Variants in SOX5 observed in about 807,000 individuals in gnomAD.
The protein encoded by SOX5 is transcription factor SOX-5.
A neutral mutation model predicts 92.0 loss-of-function variants in SOX5; 9 were observed. The ratio of observed to expected loss-of-function variants is 0.10; its 90% CI spans 0.06 to 0.17. SOX5 has a LOEUF of 0.17. SOX5 is among the 10% of genes least tolerant of loss of function. The probability of loss-of-function intolerance (pLI) is 1.00; values close to 1 mark genes in which losing one functional copy is unlikely to be tolerated. For synonymous variants in SOX5, 344 were observed against 336.3 expected, an observed-to-expected ratio of 1.02 and a Z score of -0.25; for missense variants, 642 against 944.5, an observed-to-expected ratio of 0.68 and a Z score of 4.20.
At chr12:24,374,111 G>A (rs1191338816) in intron 1 of SOX5, among the ~76,000 whole-genome samples, 1 of 152,236 alleles carries the variant, frequency 6.6e-6, no homozygotes, top group East Asian at 1.9e-4. Context: ...ATTGGGCAAA[G>A]AAAGAGGTAG....
chr12:24,351,096 A>G (rs767293366), intron 2 of SOX5, among the ~76,000 whole-genome samples: 1 of 152,114 alleles, frequency 6.6e-6, no homozygotes. Flanking sequence ...AAAGAACTCA[A>G]TAAGTGGTAG....
At chr12:23,856,990 T>A (rs1394521644) in intron 2 of SOX5, among the ~76,000 whole-genome samples, 1 of 152,144 alleles carries the variant, frequency 6.6e-6, no homozygotes, top group Non-Finnish European at 1.5e-5. Context: ...ATTGAGTTAA[T>A]TATTAATTTA....
chr12:23,963,704 T>G (rs1442148726), intron 4 of SOX5, among the ~76,000 whole-genome samples: 4 of 150,652 alleles, frequency 2.7e-5, no homozygotes, highest in Non-Finnish European at 5.9e-5. Flanking sequence ...ATACAATGGA[T>G]AGTTTTTGGA....
At position 24,053,393 on chromosome 12, in the gene SOX5, G is replaced by A. The variant is rs142218227; in HGVS notation, c.-1-157369C>T. On this transcript the variant is annotated intron_variant, in intron 4 of 4. Transcript: ENST00000446891. Reference sequence around the variant, plus strand: ...GATCTGCCCGCCTCGGGCTCCCAAAGTGCTGTGATTATAGGCATGAGCTAC... The same window carrying A: ...GATCTGCCCGCCTCGGGCTCCCAAAATGCTGTGATTATAGGCATGAGCTAC... Among the ~76,000 whole-genome samples the A allele has an allele frequency of 2.7e-3, 415 of 152,166 alleles. 1 individual carries two copies. Among genetic ancestry groups the A allele is most frequent in the Middle Eastern group, 0.01 (3 of 294 alleles).
At chr12:23,964,898 T>C (rs1054924872) in intron 4 of SOX5, among the ~76,000 whole-genome samples, 2 of 152,206 alleles carry the variant, frequency 1.3e-5, no homozygotes, top group African/African-American at 4.8e-5. Flanking sequence ...TATCAAAAAG[T>C]TGATGGGCTA....
intron 2 of SOX5, among the ~76,000 whole-genome samples, chr12:23,853,542 TG>T (rs1351894970): frequency 2.1e-5 from 3 of 142,978 alleles, no homozygotes; most frequent in East Asian, 4.3e-4. Flanking sequence ...GTGTCTAACG[TG>T]TTTTTTTTTT....
intron 6 of SOX5, among the ~76,000 whole-genome samples, chr12:23,707,205 C>T (rs2091494941): frequency 6.6e-6 from 1 of 152,124 alleles, no homozygotes. Context: ...TAATGAAAAG[C>T]CTATTCATTG....
At chr12:24,375,625 A>C (rs570696983) in intron 1 of SOX5, among the ~76,000 whole-genome samples, 4 of 151,658 alleles carry the variant, frequency 2.6e-5, no homozygotes, top group African/African-American at 9.7e-5. Context: ...AACCTCAGCT[A>C]CTTGGCAGGC....
At chr12:23,673,656 A>G (rs977511149) in intron 6 of SOX5, among the ~76,000 whole-genome samples, 10 of 152,048 alleles carry the variant, frequency 6.6e-5, no homozygotes, top group African/African-American at 2.2e-4. Context: ...ATTATCAGTT[A>G]TTTTTCCCCA....
At chr12:24,527,148 A>G (rs1403921674) in intron 1 of SOX5, among the ~76,000 whole-genome samples, 1 of 152,208 alleles carries the variant, frequency 6.6e-6, no homozygotes, top group African/African-American at 2.4e-5. Context: ...CTCCTTGAGA[A>G]CAAGGGCTGT....
intron 4 of SOX5, among the ~76,000 whole-genome samples, chr12:24,191,948 G>A (rs1956569514): frequency 6.6e-6 from 1 of 152,158 alleles, no homozygotes. Context: ...TTCCAGGAAA[G>A]CTATGAAGGG....
intron 4 of SOX5, among the ~76,000 whole-genome samples, chr12:24,109,506 G>A (rs1947076051): frequency 6.6e-6 from 1 of 152,076 alleles, no homozygotes; most frequent in Admixed American, 6.6e-5. Flanking sequence ...ATTAAAAATA[G>A]TAAAGACAGT....
At chr12:23,874,616 T>C (rs1309725812) in intron 2 of SOX5, among the ~76,000 whole-genome samples, 1 of 152,046 alleles carries the variant, frequency 6.6e-6, no homozygotes, top group Non-Finnish European at 1.5e-5. Context: ...AGCCCAAAGC[T>C]AGAGTTATAA....
At chr12:24,227,291 T>A (rs1403093207) in intron 3 of SOX5, 2 of 152,120 alleles carry the variant, frequency 1.3e-5, no homozygotes, top group Non-Finnish European at 2.9e-5. Context: ...GACCAGAGCT[T>A]CCCCAGGAAG....
chr12:24,431,026 G>GC (rs1304363958), intron 1 of SOX5, among the ~76,000 whole-genome samples: 1 of 152,108 alleles, frequency 6.6e-6, no homozygotes, highest in Non-Finnish European at 1.5e-5. Context: ...GTCAAAATAT[G>GC]CCCCCCTTCC....
chr12:23,947,643 C>T (rs1303802818), intron 1 of SOX5, among the ~76,000 whole-genome samples: 1 of 151,302 alleles, frequency 6.6e-6, no homozygotes, highest in Non-Finnish European at 1.5e-5. Context: ...ATACTAACAA[C>T]CCTATTGATT....
chr12:23,543,505 CTT>C (rs1942515781), intron 12 of SOX5, 121 bp from the exon 13 acceptor site: 2 of 683,034 alleles, frequency 2.9e-6, no homozygotes, highest in Non-Finnish European at 4.9e-6. Context: ...GATAATGGTA[CTT>C]CCAGTTCTTA....
At chr12:24,321,164 C>T (rs1950184475) in intron 2 of SOX5, among the ~76,000 whole-genome samples, 1 of 152,186 alleles carries the variant, frequency 6.6e-6, no homozygotes, top group African/African-American at 2.4e-5. Context: ...CCTTGTAAAG[C>T]TGACTGATTC....
chr12:24,069,514 G>C (rs1405648236), intron 4 of SOX5, among the ~76,000 whole-genome samples: 1 of 152,130 alleles, frequency 6.6e-6, no homozygotes, highest in Non-Finnish European at 1.5e-5. Flanking sequence ...ATTACAAGTG[G>C]AGAACCAATA....
Sources: allele counts gnomAD v4.1 joint callset (sites outside exome capture counted in the v4.1 genomes callset), GRCh38; gene constraint gnomAD v4.1.1; transcripts MANE v1.5; gene names NCBI Gene and HGNC (gene_info 2026-07-23, HGNC 2026-07-21).